Variants in RPTOR observed in about 807,000 individuals in gnomAD.
RPTOR encodes the protein regulatory associated protein of MTOR complex 1, also known as regulatory-associated protein of mTOR.
Under a neutral mutation model 169.9 loss-of-function variants are expected in RPTOR, and 21 were observed. The ratio of observed to expected loss-of-function variants is 0.12; its 90% CI spans 0.09 to 0.18. The LOEUF (loss-of-function observed/expected upper bound fraction) is 0.18, where lower values mean the gene tolerates loss of function less well. Ranked by LOEUF, RPTOR falls within the 10% of genes least tolerant of loss-of-function variation. The probability of loss-of-function intolerance (pLI) is 1.00; values close to 1 mark genes in which losing one functional copy is unlikely to be tolerated. For synonymous variants in RPTOR, 732 were observed against 753.2 expected, an observed-to-expected ratio of 0.97 and a Z score of 0.46; for missense variants, 1,133 against 1,855.9, an observed-to-expected ratio of 0.61 and a Z score of 7.16.
intron 3 of RPTOR, among the ~76,000 whole-genome samples, chr17:80,674,845 C>T (rs943667567): frequency 7.2e-6 from 1 of 138,508 alleles, no homozygotes; most frequent in Admixed American, 7.3e-5. Flanking sequence ...AACATAAGGT[C>T]TAACAAGATC....
chr17:80,673,496 C>G (rs937702870), intron 3 of RPTOR, among the ~76,000 whole-genome samples: 1 of 152,192 alleles, frequency 6.6e-6, no homozygotes, highest in Admixed American at 6.5e-5. Flanking sequence ...CTCAAACACT[C>G]GTAACAAGCA....
At chr17:80,867,048 A>T (rs1343270414) in intron 13 of RPTOR, among the ~76,000 whole-genome samples, 2 of 152,232 alleles carry the variant, frequency 1.3e-5, no homozygotes, top group African/African-American at 4.8e-5. Context: ...AAGGTTAGAC[A>T]CACGTTACAA....
At position 80,791,468 on chromosome 17, in the gene RPTOR, T is replaced by G; in HGVS notation, c.849T>G (p.Cys283Trp). The G allele has an allele frequency of 7.4e-6, 12 of 1,613,858 alleles. No homozygotes were observed. The highest frequency in any genetic ancestry group is 1.0e-5 in the Non-Finnish European group (12 of 1,179,962). The change falls in exon 7 of 34, where the codon TGT (cysteine) becomes TGG (tryptophan). Residue 283 changes from cysteine to tryptophan, a missense_variant. This residue lies in a region of RPTOR where 289 missense variants were observed against 585.8 expected (regional missense o/e 0.49). Coordinates refer to ENST00000306801, the MANE Select transcript of RPTOR (RefSeq NM_020761.3). ...TCTGCAGGTTTTGCATGCAGAAATGTGTCAGTCTGGTGCCTGGCGTCACAC... is the reference window on the plus strand; with the variant it reads ...TCTGCAGGTTTTGCATGCAGAAATGGGTCAGTCTGGTGCCTGGCGTCACAC... ...IALRWFCMQKCVSLVPGVTLD... is the reference protein window; with the variant it reads ...IALRWFCMQKWVSLVPGVTLD...
At position 80,746,849 on chromosome 17, in the gene RPTOR, T is replaced by TC. The variant is rs397960965; in HGVS notation, c.655-7158dup. Among the ~76,000 whole-genome samples, 2 of 150,882 alleles carry TC rather than the reference T, an allele frequency of 1.3e-5. No individual in the cohort carries two copies. The highest frequency in any genetic ancestry group is 2.4e-5 in the African/African-American group (1 of 41,234). The stretch of plus-strand genomic sequence containing the variant: ...CATCTGTTGAAATAGTTTTTTTTTT[T>TC]CCCTTGGGTTAGCAATCCTGAAGAA... On this transcript the variant is annotated intron_variant, in intron 5 of 33. Coordinates refer to ENST00000306801, the MANE Select transcript of RPTOR (RefSeq NM_020761.3). This position sits in a 1 kb window ranked among gnomAD's most constrained non-coding sequence, Gnocchi z 4.5.
intron 7 of RPTOR, among the ~76,000 whole-genome samples, chr17:80,811,081 C>T (rs1013190738): frequency 6.6e-6 from 1 of 152,092 alleles, no homozygotes; most frequent in African/African-American, 2.4e-5. Flanking sequence ...CTTTTTCTTG[C>T]TTTGTTGCAC....
chr17:80,791,225 C>T (rs1478991127), intron 6 of RPTOR, among the ~76,000 whole-genome samples: 1 of 151,646 alleles, frequency 6.6e-6, no homozygotes, highest in Admixed American at 6.6e-5. Context: ...TCTCCTTTCT[C>T]CTGACAACTC....
At position 80,844,702 on chromosome 17, in the gene RPTOR, C is replaced by T. The variant is rs746495607; in HGVS notation, c.1213-1771C>T. On this transcript the variant is annotated intron_variant, in intron 10 of 33. Coordinates refer to ENST00000306801, the MANE Select transcript of RPTOR (RefSeq NM_020761.3). The surrounding 1 kb of genome is among the most constrained non-coding windows in gnomAD (Gnocchi z 4.7). ...TTAAGTCGGGCCACGGGGCTCTGCC[C>T]GCCAGGCTCCTCTGTGGAGGCTGCC... 2.6e-4 allele frequency among the ~76,000 whole-genome samples: 39 copies of T among 152,182 alleles called. No homozygotes were observed. The highest frequency in any genetic ancestry group is 4.7e-4 in the Non-Finnish European group (32 of 68,034).
chr17:80,637,057 A>G (rs1231767135), intron 2 of RPTOR, among the ~76,000 whole-genome samples: 2 of 152,166 alleles, frequency 1.3e-5, no homozygotes, highest in Non-Finnish European at 2.9e-5. Context: ...CCAGTGCTTT[A>G]TGTAGAACCC....
chr17:80,737,069 TGAA>T (rs2066439437), intron 5 of RPTOR, among the ~76,000 whole-genome samples: 1 of 152,238 alleles, frequency 6.6e-6, no homozygotes, highest in Admixed American at 6.5e-5. Context: ...TTTTTAGGTT[TGAA>T]GAAGATGCTT....
intron 6 of RPTOR, among the ~76,000 whole-genome samples, chr17:80,776,581 C>T (rs2066894317): frequency 6.6e-6 from 1 of 152,116 alleles, no homozygotes; most frequent in South Asian, 2.1e-4. Context: ...GCCTCGGCCT[C>T]CCAAAGTGCT....
At chr17:80,785,831 A>T (rs1484564982) in intron 6 of RPTOR, among the ~76,000 whole-genome samples, 4 of 152,270 alleles carry the variant, frequency 2.6e-5, no homozygotes, top group East Asian at 3.9e-4. Flanking sequence ...GGGAATGCTG[A>T]TGGCGAGACC....
intron 1 of RPTOR, among the ~76,000 whole-genome samples, chr17:80,566,351 G>A: frequency 6.6e-6 from 1 of 152,120 alleles, no homozygotes; most frequent in East Asian, 1.9e-4. Flanking sequence ...TTTCCCAGAT[G>A]TTACTAAGTA....
intron 13 of RPTOR, among the ~76,000 whole-genome samples, chr17:80,863,319 G>C (rs1047214866): frequency 6.6e-6 from 1 of 151,754 alleles, no homozygotes; most frequent in East Asian, 1.9e-4. Context: ...CCCCATGCCA[G>C]GTTACACTCC....
At chr17:80,802,908 C>G (rs1357780992) in intron 7 of RPTOR, 1 of 152,284 alleles carries the variant, frequency 6.6e-6, no homozygotes, top group East Asian at 1.9e-4. Context: ...ATTGATGCCT[C>G]TTCTCTAGAC....
chr17:80,685,621 ATATATATTTTTTTTTTTTTT>A (rs2065936274), intron 3 of RPTOR, among the ~76,000 whole-genome samples: 1 of 15,710 alleles, frequency 6.4e-5, no homozygotes, highest in Non-Finnish European at 1.2e-4. Context: ...ATATATATAT[ATATATATTTTTTTTTTTTTT>A]TTTTTTTTTT....
At chr17:80,657,030 G>A (rs906609641) in intron 3 of RPTOR, among the ~76,000 whole-genome samples, 9 of 152,172 alleles carry the variant, frequency 5.9e-5, no homozygotes, top group African/African-American at 1.7e-4. Flanking sequence ...ATTTCTCAGC[G>A]TTTCGTCATT....
chr17:80,785,614 A>C (rs942431048), intron 6 of RPTOR, among the ~76,000 whole-genome samples: 2 of 152,168 alleles, frequency 1.3e-5, no homozygotes, highest in African/African-American at 4.8e-5. Context: ...GGCAGCAGGC[A>C]GTTTCCGCGG....
At chr17:80,638,879 G>A (rs1180515872) in intron 2 of RPTOR, among the ~76,000 whole-genome samples, 2 of 152,178 alleles carry the variant, frequency 1.3e-5, no homozygotes, top group Non-Finnish European at 2.9e-5. Flanking sequence ...GAGGAGTGAG[G>A]CCTAGTGTTA....
At chr17:80,548,893 T>C (rs1568297938) in intron 1 of RPTOR, among the ~76,000 whole-genome samples, 1 of 152,256 alleles carries the variant, frequency 6.6e-6, no homozygotes, top group Non-Finnish European at 1.5e-5. Flanking sequence ...TTTTGCTTCT[T>C]CTTGTGGTTA....
Sources: gnomAD v4.1 joint callset for allele counts (sites outside exome capture counted in the v4.1 genomes callset) on GRCh38, gnomAD v4.1.1 for gene constraint, gnomAD v4.1.1 regional missense constraint, Gnocchi (gnomAD v3.1) non-coding constraint, MANE v1.5 for transcripts, NCBI Gene and HGNC (gene_info 2026-07-23, HGNC 2026-07-21) for gene names.